The following RTEL1 variants were observed in gnomAD, a reference collection of about 807,000 sequenced individuals.
The protein encoded by RTEL1 is regulator of telomere length.
RTEL1 carries 86 observed loss-of-function variants against 162.2 expected under a neutral mutation model. The ratio of observed to expected loss-of-function variants is 0.53; its 90% CI spans 0.45 to 0.63. RTEL1 has a LOEUF of 0.63. Ranked by LOEUF, RTEL1 falls within the 30% of genes least tolerant of loss-of-function variation. The pLI, the probability that RTEL1 is intolerant of heterozygous loss-of-function variation, is 0.00. For synonymous variants in RTEL1, 958 were observed against 717.9 expected (o/e 1.33, Z -5.35); for missense variants, 1,941 against 1,750.2 (o/e 1.11, Z -1.95).
At chr20:63,666,962 C>G (rs935724105) in intron 7 of RTEL1, among the ~76,000 whole-genome samples, 2 of 151,816 alleles carry the variant, frequency 1.3e-5, no homozygotes, top group African/African-American at 4.8e-5. Context: ...GCCTCAGCCT[C>G]CCGAGTAGCT....
In RTEL1 at chr20:63,688,621, G is replaced by T. The variant is rs779468230; in HGVS notation, c.1800+16G>T. ...CTTCTCCGAGGTCGGCACTTGGCCG[G>T]GGCTCTGGGCCTGCTGCCCCCTCGT... is the stretch of plus-strand genomic sequence containing the variant. On this transcript the variant is annotated intron_variant, in intron 21 of 34. Transcript: ENST00000360203. 2.5e-6 allele frequency: 4 copies of T among 1,595,282 alleles called. No homozygotes were observed. Among genetic ancestry groups the T allele is most frequent in the Non-Finnish European group, 3.4e-6 (4 of 1,173,218 alleles).
Position 63,674,098 on chromosome 20 carries a change from G to A in RTEL1, c.919+5G>A, listed in dbSNP as rs1455061443. On this transcript the variant is annotated splice_donor_5th_base_variant and intron_variant, in intron 10 of 34. Transcript: ENST00000360203. The stretch of plus-strand genomic sequence containing the variant: ...GCGCGGACTCCCCCAGCCCAGGTGC[G>A]TTCATAGCCAGACTGCTTGGTCCTG... 11 of 1,605,538 alleles carry A rather than the reference G, an allele frequency of 6.9e-6. No homozygotes were observed. The highest frequency in any genetic ancestry group is 1.4e-5 in the African/African-American group (1 of 74,024).
rs774306865 is a variant in RTEL1, at chr20:63,688,283, C to T, written c.1637-18C>T. On this transcript the variant is annotated intron_variant, in intron 19 of 34. Coordinates refer to ENST00000360203, the MANE Select transcript of RTEL1 (RefSeq NM_001283009.2). Reference sequence around the variant, plus strand: ...AGACATCCTGCCCCTGCCTTGACCCCGGCCCCTGCACTTCCAGGCAACATC... The same window carrying T: ...AGACATCCTGCCCCTGCCTTGACCCTGGCCCCTGCACTTCCAGGCAACATC... The T allele has an allele frequency of 1.6e-5, 26 of 1,610,900 alleles. No homozygotes were observed. Among genetic ancestry groups the T allele is most frequent in the African/African-American group, 6.7e-5 (5 of 74,926 alleles).
intron 14 of RTEL1, among the ~76,000 whole-genome samples, chr20:63,684,678 G>A (rs1451222149): frequency 6.6e-6 from 1 of 152,082 alleles, no homozygotes; most frequent in East Asian, 1.9e-4. Context: ...TTGCCATGTT[G>A]GCCAGGCTGG....
intron 19 of RTEL1, 54 bp downstream of exon 19, chr20:63,688,233 C>G: frequency 6.2e-7 from 1 of 1,609,820 alleles, no homozygotes; most frequent in Non-Finnish European, 8.5e-7. Flanking sequence ...GACCCCTGCT[C>G]CCAAGAGCTG....
chr20:63,689,853 T>G lies in RTEL1; in HGVS notation c.2129T>G (p.Leu710Arg). The change falls in exon 24 of 35, where the codon CTC becomes CGC. Residue 710 changes from leucine (L) to arginine (R), a missense_variant. Leu to Arg is a moderately radical substitution (Grantham distance 102). Coordinates refer to ENST00000360203, the MANE Select transcript of RTEL1 (RefSeq NM_001283009.2). ...CGCCAGGACTACGGAGCTGTCTTCCTCTGTGACCACAGGTGCGTGCAGTCC... is the reference window on the plus strand; with the variant it reads ...CGCCAGGACTACGGAGCTGTCTTCCGCTGTGACCACAGGTGCGTGCAGTCC... Reference protein sequence around the residue: ...RHRQDYGAVFLCDHRFAFADA... With the variant: ...RHRQDYGAVFRCDHRFAFADA... The G allele has an allele frequency of 6.2e-7, 1 of 1,609,386 alleles. No homozygotes were observed. Among genetic ancestry groups the G allele is most frequent in the Non-Finnish European group, 8.5e-7 (1 of 1,179,646 alleles).
At chr20:63,684,096 C>A (rs996787044) in intron 14 of RTEL1, among the ~76,000 whole-genome samples, 1 of 152,110 alleles carries the variant, frequency 6.6e-6, no homozygotes, top group Non-Finnish European at 1.5e-5. Context: ...GATGCTAAAC[C>A]GGGTCTTGTG....
rs751015006 is a variant in RTEL1, at chr20:63,662,801, G to T, written c.478-28G>T. The T allele has an allele frequency of 2.9e-5, 46 of 1,613,430 alleles. No homozygotes were observed. The Middle Eastern group carries it at 1.6e-3, about 58-fold the overall frequency. ...TCGGTCCTTTCTTGGCCGTGCTTCA[G>T]CTGCGCACTCTGCCCTTCCTCCCAC... On this transcript the variant is annotated intron_variant, in intron 5 of 34. Coordinates refer to ENST00000360203, the MANE Select transcript of RTEL1 (RefSeq NM_001283009.2).
intron 17 of RTEL1, 74 bp downstream of exon 17, chr20:63,687,844 C>T: frequency 1.3e-6 from 2 of 1,558,132 alleles, no homozygotes; most frequent in Middle Eastern, 2.1e-4. Context: ...TGGTGGGGGT[C>T]CCCATGAGCC....
intron 14 of RTEL1, among the ~76,000 whole-genome samples, chr20:63,683,535 C>G (rs370402649): frequency 6.6e-6 from 1 of 152,354 alleles, no homozygotes; most frequent in East Asian, 1.9e-4. Context: ...CACGCCTGCA[C>G]AAATCCACGC....
rs2145411399 is a variant in RTEL1, at chr20:63,685,574, C to CT, written c.1244dup (p.Ala417GlyfsTer6). The CT allele has an allele frequency of 6.2e-7, 1 of 1,612,274 alleles. No homozygotes were observed. Among genetic ancestry groups the CT allele is most frequent in the Non-Finnish European group, 8.5e-7 (1 of 1,179,744 alleles). On this transcript the variant is annotated frameshift_variant, in exon 15 of 35. Transcript: ENST00000360203. LOFTEE classifies it high-confidence loss of function. ...GGGCAGCCCTGGTTCCCCAGCAGGG[C>CT]TGGGGGCCTTACAGTCCTATAAGGT...
Position 63,695,442 on chromosome 20 carries a change from C to G in RTEL1, c.3614C>G (p.Ser1205Cys). Residue 1205 changes from serine (S) to cysteine (C), a missense_variant, in exon 34 of 35, where the codon TCC becomes TGC. Physicochemically the swap from Ser to Cys is moderately radical, Grantham distance 112. Coordinates refer to ENST00000360203, the MANE Select transcript of RTEL1 (RefSeq NM_001283009.2). The stretch of plus-strand genomic sequence containing the variant: ...GGTGAGGATGCAGGTCCCAGCCAGT[C>G]CTCAGGACCTCCCCACGGGCCTGCA... ...AGGEDAGPSQ[S>C]SGPPHGPAAS... The G allele has an allele frequency of 6.3e-7, 1 of 1,581,024 alleles. No homozygotes were observed. The highest frequency in any genetic ancestry group is 1.2e-5 in the South Asian group (1 of 85,070).
In RTEL1 at chr20:63,693,194, G is replaced by A; in HGVS notation, c.2903G>A (p.Cys968Tyr). The change falls in exon 30 of 35, where the codon TGT becomes TAT. Residue 968 changes from cysteine to tyrosine, a missense_variant. Coordinates refer to ENST00000360203, the MANE Select transcript of RTEL1 (RefSeq NM_001283009.2). ...CATAAGCAGCAGTTTGAGGAGGTCT[G>A]TATCCAGCTGACAGGACGAGGCTGT... is the stretch of plus-strand genomic sequence containing the variant. The part of the protein sequence containing the change: ...PHHKQQFEEV[C>Y]IQLTGRGCGY... 2.5e-6 allele frequency: 4 copies of A among 1,612,174 alleles called. No homozygotes were observed. The highest frequency in any genetic ancestry group is 3.4e-6 in the Non-Finnish European group (4 of 1,179,532).
rs770685613 is a variant in RTEL1, at chr20:63,694,673, G to A, written c.3110-68G>A. 237 of 1,387,358 alleles carry A rather than the reference G, an allele frequency of 1.7e-4. No homozygotes were observed. In the Middle Eastern group the frequency reaches 1.9e-3, roughly 11 times the overall value. The allele number at this position is 1,387,358 out of a possible 1,614,324, so 85.9% of individuals were successfully genotyped here. ...CTCCAGGAGTTCCTGGAGGAAGGGCGGGCAGGGCGGTGGGACTCTCAGTCC... is the reference window on the plus strand; with the variant it reads ...CTCCAGGAGTTCCTGGAGGAAGGGCAGGCAGGGCGGTGGGACTCTCAGTCC... On this transcript the variant is annotated intron_variant, in intron 31 of 34. Coordinates refer to ENST00000360203, the MANE Select transcript of RTEL1 (RefSeq NM_001283009.2).
At chr20:63,692,558 T>G in intron 28 of RTEL1, 1 of 569,924 alleles carries the variant, frequency 1.8e-6, no homozygotes, top group Non-Finnish European at 3.1e-6. Context: ...CAATCTACCC[T>G]TTGCCCATTC....
rs1339759498 is a variant in RTEL1 at position 63,661,477 on chromosome 20, T to C, written c.282T>C (p.Ala94=). The change falls in exon 3 of 35, where the codon GCT becomes GCC. Residue 94 remains alanine (A), a synonymous_variant. Coordinates refer to ENST00000360203, the MANE Select transcript of RTEL1 (RefSeq NM_001283009.2). This position sits in a 1 kb window ranked among gnomAD's most constrained non-coding sequence, Gnocchi z 5.1. The part of the protein sequence containing the change: ...RALSSWGNAA[A]AAGDPIACYT... ...TGTCATCCTGGGGCAACGCTGCTGC[T>C]GCTGCTGGAGACCCCATAGGTGACC... 1.2e-6 allele frequency: 2 copies of C among 1,611,842 alleles called. No individual in the cohort carries two copies. Among genetic ancestry groups the C allele is most frequent in the East Asian group, 2.2e-5 (1 of 44,894 alleles).
At chr20:63,691,234 A>C (rs1469675655) in intron 27 of RTEL1, among the ~76,000 whole-genome samples, 1 of 151,520 alleles carries the variant, frequency 6.6e-6, no homozygotes, top group African/African-American at 2.4e-5. Flanking sequence ...CAGTGCACTC[A>C]AGGTCGGGTG....
At chr20:63,692,011 C>T in intron 28 of RTEL1, 174 bp downstream of exon 28, 2 of 571,302 alleles carry the variant, frequency 3.5e-6, no homozygotes, top group South Asian at 3.9e-5. Flanking sequence ...GTGGTTTCTT[C>T]TGCAGGGGGC....
intron 30 of RTEL1, among the ~76,000 whole-genome samples, chr20:63,693,899 G>A (rs2090891487): frequency 6.7e-6 from 1 of 150,272 alleles, no homozygotes; most frequent in Admixed American, 6.6e-5. Flanking sequence ...ATGGTCCTGG[G>A]GGGTCAACTG....
Sources: allele counts gnomAD v4.1 joint callset (sites outside exome capture counted in the v4.1 genomes callset), GRCh38; gene constraint gnomAD v4.1.1; non-coding constraint Gnocchi (gnomAD v3.1); transcripts MANE v1.5; gene names NCBI Gene and HGNC (gene_info 2026-07-23, HGNC 2026-07-21).